The following SMAGP variants were observed in gnomAD, a reference collection of about 807,000 sequenced individuals.
SMAGP encodes the protein small cell adhesion glycoprotein.
In SMAGP, 7 loss-of-function variants were observed where a neutral mutation model predicts 10.1. That is an observed-to-expected ratio of 0.70 (90% confidence interval 0.40 to 1.31). SMAGP has a LOEUF of 1.31. SMAGP is among the 50% of genes most tolerant of loss of function. SMAGP has a pLI of 0.01. For missense variants in SMAGP, 113 were observed against 116.5 expected (o/e 0.97, Z 0.14); for synonymous variants, 49 against 47.2 (o/e 1.04, Z -0.16).
At position 51,245,518 on chromosome 12, in the gene SMAGP, C is replaced by T. The variant is rs76380618; in HGVS notation, c.*423G>A. On this transcript the variant is annotated 3_prime_UTR_variant, in exon 4 of 4. Transcript: ENST00000603798. ...TGGCCTGGCCTTTTACTGTGGTATC[C>T]AGCCTCTGGGAAGACCTTGTATGGA... The T allele has an allele frequency of 0.03, 4,718 of 158,498 alleles. 231 individuals carry two copies. Among genetic ancestry groups the T allele is most frequent in the East Asian group, 0.11 (595 of 5,508 alleles). 9.8% of individuals were successfully genotyped at this position (158,498 alleles called of 1,614,324 possible).
At chr12:51,260,780 G>C (rs1340488361) in intron 2 of SMAGP, among the ~76,000 whole-genome samples, 1 of 146,830 alleles carries the variant, frequency 6.8e-6, no homozygotes, top group South Asian at 2.2e-4. Context: ...CTGCCTCCTG[G>C]GTTCAAGCGA....
intron 2 of SMAGP, among the ~76,000 whole-genome samples, chr12:51,254,416 G>A (rs977755984): frequency 2.6e-5 from 4 of 151,832 alleles, no homozygotes; most frequent in Non-Finnish European, 5.9e-5. Flanking sequence ...GTGTGGTGGC[G>A]TATGCCTGTA....
At chr12:51,249,916 C>G (rs1944820144) in intron 2 of SMAGP, among the ~76,000 whole-genome samples, 1 of 152,158 alleles carries the variant, frequency 6.6e-6, no homozygotes, top group South Asian at 2.1e-4. Flanking sequence ...TGTGCCTCGC[C>G]TATACATATG....
intron 2 of SMAGP, among the ~76,000 whole-genome samples, chr12:51,264,568 G>T (rs930154818): frequency 1.3e-5 from 2 of 150,430 alleles, no homozygotes; most frequent in African/African-American, 4.9e-5. Flanking sequence ...TGGGTCTGTA[G>T]TGAGCCAGGA....
chr12:51,245,084 C>G lies in SMAGP; in HGVS notation c.*857G>C, dbSNP rs1944749161. The G allele has an allele frequency of 6.6e-6, 1 of 152,036 alleles. No homozygotes were observed. Among genetic ancestry groups the G allele is most frequent in the African/African-American group, 2.4e-5 (1 of 41,350 alleles). 9.4% of individuals were successfully genotyped at this position (152,036 alleles called of 1,614,324 possible). The stretch of plus-strand genomic sequence containing the variant: ...CCTTGTGATCCGCCTGCCTCGGCCT[C>G]CCAAAGTGCTGGGATCACAGGCGTG... On this transcript the variant is annotated 3_prime_UTR_variant, in exon 4 of 4. Coordinates refer to ENST00000603798, the MANE Select transcript of SMAGP (RefSeq NM_001031628.2).
chr12:51,266,081 CAA>C (rs947562933), intron 2 of SMAGP, among the ~76,000 whole-genome samples: 1 of 134,240 alleles, frequency 7.4e-6, no homozygotes. Context: ...GACTCCGTCT[CAA>C]AAAAAAAAAA....
At position 51,269,257 on chromosome 12, in the gene SMAGP, G is replaced by C. The variant is rs769883835; in HGVS notation, c.22C>G (p.Pro8Ala). 4 of 1,613,818 alleles carry C rather than the reference G, an allele frequency of 2.5e-6. No individual in the cohort carries two copies. The highest frequency in any genetic ancestry group is 1.6e-4 in the Middle Eastern group (1 of 6,084). Residue 8 changes from proline to alanine, a missense_variant, in exon 2 of 4, where the codon CCT becomes GCT. Coordinates refer to ENST00000603798, the MANE Select transcript of SMAGP (RefSeq NM_001031628.2). MTSLLTT[P>A]SPREELMTTP... ...GGCCTTCACCTACCTCTTGGAGAAGGAGTAGTCAGGAGGCTGGTCATTGTC... is the reference window on the plus strand; with the variant it reads ...GGCCTTCACCTACCTCTTGGAGAAGCAGTAGTCAGGAGGCTGGTCATTGTC...
In SMAGP at chr12:51,245,029, G is replaced by A. The variant is rs60782430; in HGVS notation, c.*912C>T. On this transcript the variant is annotated 3_prime_UTR_variant, in exon 4 of 4. Coordinates refer to ENST00000603798, the MANE Select transcript of SMAGP (RefSeq NM_001031628.2). ...TTTTTAGTAGAGACGGGGTTTCACC[G>A]TGTTAGCCAGGATGGTCTCGATCTC... 0.03 allele frequency: 4,605 copies of A among 151,810 alleles called. 227 individuals carry two copies. The highest frequency in any genetic ancestry group is 0.11 in the East Asian group (568 of 5,148). 9.4% of individuals were successfully genotyped at this position (151,810 alleles called of 1,614,324 possible). A position where few individuals can be genotyped will look rare whatever the true frequency, so the allele number is the denominator to read the frequency against.
At chr12:51,268,193 G>A (rs1315727462) in intron 2 of SMAGP, among the ~76,000 whole-genome samples, 2 of 152,022 alleles carry the variant, frequency 1.3e-5, no homozygotes, top group East Asian at 1.9e-4. Flanking sequence ...GAATGAGAAA[G>A]CCAGCAAAAT....
intron 2 of SMAGP, among the ~76,000 whole-genome samples, chr12:51,250,581 A>G (rs1463731329): frequency 2.0e-5 from 3 of 151,386 alleles, no homozygotes; most frequent in Middle Eastern, 3.4e-3. Context: ...CAATGGTGCA[A>G]TCTTGGCTCA....
At chr12:51,267,418 G>A (rs1944984071) in intron 2 of SMAGP, among the ~76,000 whole-genome samples, 1 of 151,362 alleles carries the variant, frequency 6.6e-6, no homozygotes, top group Admixed American at 6.6e-5. Context: ...TCAAGGGCAA[G>A]ACTCAGATCC....
At chr12:51,255,991 G>A (rs1944881646) in intron 2 of SMAGP, among the ~76,000 whole-genome samples, 1 of 152,054 alleles carries the variant, frequency 6.6e-6, no homozygotes. Flanking sequence ...GGCTGGTCTT[G>A]AACTCCTAAC....
chr12:51,269,331 G>T lies in SMAGP; in HGVS notation c.-38-15C>A. ...AAGAGGCAGATCTGTAGGAAGAGGG[G>T]CAAAGACAGGAATGTAGCGGGTGGG... On this transcript the variant is annotated splice_polypyrimidine_tract_variant and intron_variant, in intron 1 of 3. Transcript: ENST00000603798. The T allele has an allele frequency of 6.2e-7, 1 of 1,606,750 alleles. No individual in the cohort carries two copies. The highest frequency in any genetic ancestry group is 8.5e-7 in the Non-Finnish European group (1 of 1,173,448).
chr12:51,248,424 ACACACACACACTCTCTCTCTCTCTCT>A (rs1333628934), intron 2 of SMAGP, among the ~76,000 whole-genome samples: 38 of 112,446 alleles, frequency 3.4e-4, no homozygotes, highest in African/African-American at 1.1e-3. Context: ...ACACACACAC[ACACACACACACTCTCTCTCTCTCTCT>A]CTCTCTCTCT....
At chr12:51,261,184 C>T (rs986437971) in intron 2 of SMAGP, among the ~76,000 whole-genome samples, 10 of 150,094 alleles carry the variant, frequency 6.7e-5, no homozygotes, top group African/African-American at 2.5e-4. Flanking sequence ...CAACCTCCGC[C>T]TCCCAGGTTC....
intron 2 of SMAGP, among the ~76,000 whole-genome samples, chr12:51,248,463 C>A (rs908910143): frequency 3.5e-5 from 5 of 142,964 alleles, no homozygotes; most frequent in African/African-American, 1.3e-4. Flanking sequence ...CTCTCTCTCT[C>A]TCTCTCTCTC....
intron 2 of SMAGP, among the ~76,000 whole-genome samples, chr12:51,266,918 C>T (rs1381175840): frequency 6.6e-6 from 1 of 152,132 alleles, no homozygotes; most frequent in East Asian, 1.9e-4. Context: ...GAGTTTGAGA[C>T]CAGCCTGGCC....
chr12:51,250,442 C>A (rs1353035957), intron 2 of SMAGP, among the ~76,000 whole-genome samples: 2 of 151,458 alleles, frequency 1.3e-5, no homozygotes, highest in African/African-American at 4.9e-5. Flanking sequence ...AAGCATATTA[C>A]TAGGTGACCT....
intron 2 of SMAGP, among the ~76,000 whole-genome samples, chr12:51,248,432 ACACTCTCTCTCTCTCTCT>A (rs1425965444): frequency 5.0e-3 from 246 of 48,764 alleles, no homozygotes; most frequent in Middle Eastern, 0.012. Context: ...ACACACACAC[ACACTCTCTCTCTCTCTCT>A]CTCTCTCTCT....
Sources: allele counts gnomAD v4.1 joint callset (sites outside exome capture counted in the v4.1 genomes callset), GRCh38; gene constraint gnomAD v4.1.1; transcripts MANE v1.5; gene names NCBI Gene and HGNC (gene_info 2026-07-23, HGNC 2026-07-21).